Variants in KCNMA1 observed in about 807,000 individuals in gnomAD.
KCNMA1 encodes Calcium-activated potassium channel subunit alpha-1.
A neutral mutation model predicts 140.0 loss-of-function variants in KCNMA1; 29 were observed. The ratio of observed to expected loss-of-function variants is 0.21; its 90% CI spans 0.15 to 0.28. The LOEUF (loss-of-function observed/expected upper bound fraction) is 0.28. KCNMA1 is among the 10% of genes least tolerant of loss of function. KCNMA1 has a pLI of 1.00. For synonymous variants in KCNMA1, 612 were observed against 611.9 expected (o/e 1.00, Z 0.00); for missense variants, 880 against 1,602.2 (o/e 0.55, Z 7.70).
chr10:77,585,053 T>C (rs1318623094), intron 1 of KCNMA1, among the ~76,000 whole-genome samples: 2 of 152,208 alleles, frequency 1.3e-5, no homozygotes, highest in Non-Finnish European at 2.9e-5. Flanking sequence ...TCAAAACCCA[T>C]TGATCACTTA....
intron 1 of KCNMA1, among the ~76,000 whole-genome samples, chr10:77,427,403 T>C (rs2154492036): frequency 6.6e-6 from 1 of 152,360 alleles, no homozygotes; most frequent in East Asian, 1.9e-4. Context: ...TGAGCTTCAG[T>C]GCCCTCCCCT....
intron 1 of KCNMA1, among the ~76,000 whole-genome samples, chr10:77,489,063 C>T (rs555159084): frequency 2.0e-5 from 3 of 152,242 alleles, no homozygotes; most frequent in South Asian, 2.1e-4. Context: ...ATAAGGGTTG[C>T]AGGAGCCTCA....
intron 16 of KCNMA1, among the ~76,000 whole-genome samples, chr10:77,025,866 C>A (rs1029562194): frequency 2.6e-5 from 4 of 151,802 alleles, no homozygotes; most frequent in Non-Finnish European, 4.4e-5. Context: ...TCAAACACAC[C>A]TTTTTCCACA....
intron 1 of KCNMA1, among the ~76,000 whole-genome samples, chr10:77,566,824 C>T (rs995851913): frequency 2.0e-5 from 3 of 151,504 alleles, no homozygotes; most frequent in Middle Eastern, 3.4e-3. Context: ...TTGCATTCTT[C>T]GGCTACAGAG....
intron 5 of KCNMA1, among the ~76,000 whole-genome samples, chr10:77,126,386 A>G (rs999492007): frequency 6.6e-6 from 1 of 152,144 alleles, no homozygotes; most frequent in African/African-American, 2.4e-5. Context: ...CATGCTCTGT[A>G]TTGGTTTAGA....
intron 19 of KCNMA1, chr10:76,995,148 G>T (rs111871146): frequency 3.8e-5 from 6 of 159,894 alleles, no homozygotes; most frequent in African/African-American, 1.4e-4. Context: ...CCAGCTCCGT[G>T]AGCCGCACGC....
At chr10:76,884,679 C>T (rs914977928), downstream of KCNMA1, 2 of 281,386 alleles carry the variant, frequency 7.1e-6, no homozygotes, top group Non-Finnish European at 1.3e-5. Context: ...CCCAAGAACA[C>T]CAAAACAAAC....
chr10:77,122,419 T>C (rs2097631056), intron 5 of KCNMA1, among the ~76,000 whole-genome samples: 1 of 151,814 alleles, frequency 6.6e-6, no homozygotes, highest in Non-Finnish European at 1.5e-5. Flanking sequence ...GTTGATGAAA[T>C]AAAAAGGCTC....
intron 14 of KCNMA1, chr10:77,064,013 T>C: frequency 1.0e-6 from 1 of 985,402 alleles, no homozygotes; most frequent in Non-Finnish European, 1.2e-6. Flanking sequence ...TCCTGACCAT[T>C]GCCGCTTCTC....
chr10:77,378,729 A>G (rs184652466), intron 2 of KCNMA1, among the ~76,000 whole-genome samples: 33 of 152,366 alleles, frequency 2.2e-4, no homozygotes, highest in Admixed American at 2.0e-3. Context: ...AGCAGAAGGC[A>G]GAGCACCTTG....
At position 77,245,109 on chromosome 10, in the gene KCNMA1, C is replaced by T. The variant is rs545926785; in HGVS notation, c.602+6086G>A. Among the ~76,000 whole-genome samples the T allele has an allele frequency of 1.1e-4, 17 of 151,870 alleles. No individual in the cohort carries two copies. In the East Asian group the frequency reaches 3.3e-3, roughly 29 times the overall value. ...AAAAAACAGGGAGGTGCTTTGCACA[C>T]AGTGATTTGTGTTGACTTCTTCAAC... On this transcript the variant is annotated intron_variant, in intron 3 of 27. Coordinates refer to ENST00000286628, the MANE Select transcript of KCNMA1 (RefSeq NM_001161352.2).
chr10:77,553,908 C>G (rs148845566), intron 1 of KCNMA1, among the ~76,000 whole-genome samples: 103 of 152,064 alleles, frequency 6.8e-4, no homozygotes, highest in Non-Finnish European at 1.4e-3. Context: ...GATCTGGGTT[C>G]AATAACACAG....
chr10:77,235,379 G>A (rs2055063690), intron 3 of KCNMA1, among the ~76,000 whole-genome samples: 1 of 152,166 alleles, frequency 6.6e-6, no homozygotes, highest in Non-Finnish European at 1.5e-5. Flanking sequence ...AATTGGAGCA[G>A]GGAGACAGAT....
intron 14 of KCNMA1, among the ~76,000 whole-genome samples, chr10:77,057,976 T>A (rs1168913929): frequency 6.6e-6 from 1 of 151,880 alleles, no homozygotes; most frequent in Non-Finnish European, 1.5e-5. Context: ...ATTCAAAGAA[T>A]CGATTTTTAA....
At chr10:77,151,507 A>G (rs1298147846) in intron 5 of KCNMA1, among the ~76,000 whole-genome samples, 3 of 152,102 alleles carry the variant, frequency 2.0e-5, no homozygotes, top group Admixed American at 6.5e-5. Context: ...GATTACAGGC[A>G]TGAGCCACCA....
rs569484093 is a variant in KCNMA1 at position 77,050,073 on chromosome 10, G to A, written c.1750-10436C>T. On this transcript the variant is annotated intron_variant, in intron 14 of 27. Transcript: ENST00000286628. Reference sequence around the variant, plus strand: ...GCATTCCTCTGGGAGAGGAAGCCCCGTCCCTCCCCATCTCATGCCTATTCT... The same window carrying A: ...GCATTCCTCTGGGAGAGGAAGCCCCATCCCTCCCCATCTCATGCCTATTCT... Among the ~76,000 whole-genome samples the A allele has an allele frequency of 1.6e-4, 24 of 152,072 alleles. No homozygotes were observed. In the South Asian group the frequency reaches 3.5e-3, roughly 22 times the overall value.
intron 23 of KCNMA1, among the ~76,000 whole-genome samples, chr10:76,934,651 T>C (rs976967125): frequency 6.6e-6 from 1 of 152,198 alleles, no homozygotes; most frequent in Non-Finnish European, 1.5e-5. Flanking sequence ...ACTAACCTCA[T>C]GCATAGGATG....
At chr10:77,322,850 T>C (rs1361443052) in intron 2 of KCNMA1, among the ~76,000 whole-genome samples, 1 of 152,184 alleles carries the variant, frequency 6.6e-6, no homozygotes, top group Non-Finnish European at 1.5e-5. Context: ...CAAGCATCCC[T>C]GGGCAATCCA....
intron 12 of KCNMA1, among the ~76,000 whole-genome samples, chr10:77,083,526 GAGGGC>G (rs370787964): frequency 2.7e-5 from 4 of 149,656 alleles, no homozygotes; most frequent in African/African-American, 4.9e-5. Flanking sequence ...AAAAAAAAGG[GAGGGC>G]AGGGCAGGGC....
Sources: allele counts gnomAD v4.1 joint callset (sites outside exome capture counted in the v4.1 genomes callset), GRCh38; gene constraint gnomAD v4.1.1; transcripts MANE v1.5; gene names NCBI Gene and HGNC (gene_info 2026-07-23, HGNC 2026-07-21).